DPY19L1: variants seen among roughly 807,000 people sequenced by gnomAD.
The protein encoded by DPY19L1 is dpy-19 like C-mannosyltransferase 1.
DPY19L1 carries 35 observed loss-of-function variants against 96.9 expected under a neutral mutation model. The ratio of observed to expected loss-of-function variants is 0.36; its 90% confidence interval spans 0.28 to 0.48. The LOEUF is 0.48. DPY19L1 is among the 20% of genes least tolerant of loss of function. The probability of loss-of-function intolerance (pLI) is 0.99; values close to 1 mark genes in which losing one functional copy is unlikely to be tolerated. For synonymous variants in DPY19L1, 205 were observed against 252.6 expected (o/e 0.81, Z 1.79); for missense variants, 521 against 777.9 (o/e 0.67, Z 3.93).
At chr7:34,983,483 C>T (rs982171339) in intron 7 of DPY19L1, among the ~76,000 whole-genome samples, 3 of 131,490 alleles carry the variant, frequency 2.3e-5, no homozygotes, top group African/African-American at 8.7e-5. Context: ...TAAGAAGGAA[C>T]GAAGGAAGAA....
chr7:34,987,440 T>C (rs1364275528), intron 7 of DPY19L1, among the ~76,000 whole-genome samples: 5 of 152,056 alleles, frequency 3.3e-5, no homozygotes, highest in South Asian at 4.1e-4. Flanking sequence ...AAATAATTTG[T>C]TCAGGCAAAA....
intron 13 of DPY19L1, 40 bp downstream of exon 13, chr7:34,954,658 C>G (rs1288777198): frequency 8.2e-7 from 1 of 1,224,624 alleles, no homozygotes; most frequent in Admixed American, 2.0e-5. Flanking sequence ...CTATTCGATT[C>G]TTTTCAAGTC....
chr7:34,956,649 G>A (rs1206540874), intron 11 of DPY19L1, among the ~76,000 whole-genome samples: 3 of 151,640 alleles, frequency 2.0e-5, no homozygotes, highest in African/African-American at 4.8e-5. Flanking sequence ...GACTACAGGC[G>A]CCCGCCACCA....
intron 13 of DPY19L1, 52 bp downstream of exon 13, chr7:34,954,646 G>A (rs1189900587): frequency 4.8e-6 from 5 of 1,041,506 alleles, no homozygotes; most frequent in South Asian, 1.4e-5. Flanking sequence ...TTTATTCTTA[G>A]CCTATTCGAT....
chr7:34,996,611 C>G (rs1481263513), intron 6 of DPY19L1, among the ~76,000 whole-genome samples: 2 of 151,986 alleles, frequency 1.3e-5, no homozygotes, highest in African/African-American at 2.4e-5. Context: ...TCCGACACCC[C>G]CTACCCAAAG....
chr7:34,996,903 A>C (rs1309293276), intron 6 of DPY19L1, among the ~76,000 whole-genome samples: 2 of 152,198 alleles, frequency 1.3e-5, no homozygotes, highest in African/African-American at 2.4e-5. Context: ...GCCTGGGAGC[A>C]AGACTGGTGG....
At chr7:35,019,737 T>C (rs1296573922) in intron 1 of DPY19L1, among the ~76,000 whole-genome samples, 3 of 152,254 alleles carry the variant, frequency 2.0e-5, no homozygotes, top group Non-Finnish European at 4.4e-5. Context: ...TGGTTACTTC[T>C]AGATAATTGA....
At chr7:34,981,296 G>C (rs1331537310) in intron 7 of DPY19L1, among the ~76,000 whole-genome samples, 1 of 152,126 alleles carries the variant, frequency 6.6e-6, no homozygotes, top group African/African-American at 2.4e-5. Flanking sequence ...TAAAATGGCA[G>C]GAGAAGGGAT....
chr7:34,932,455 C>G (rs770137635), intron 21 of DPY19L1, among the ~76,000 whole-genome samples: 1 of 152,110 alleles, frequency 6.6e-6, no homozygotes, highest in Non-Finnish European at 1.5e-5. Context: ...GCTGTACTGA[C>G]ACTGAAAAAC....
At chr7:35,018,947 T>C (rs1584259203) in intron 1 of DPY19L1, among the ~76,000 whole-genome samples, 1 of 151,972 alleles carries the variant, frequency 6.6e-6, no homozygotes, top group Non-Finnish European at 1.5e-5. Context: ...GGCTGAGGGG[T>C]ACAGGATTGG....
chr7:35,011,559 ATCCACTTGGC>A, intron 4 of DPY19L1, 109 bp from the exon 5 acceptor site: 1 of 1,045,052 alleles, frequency 9.6e-7, no homozygotes, highest in Non-Finnish European at 1.4e-6. Flanking sequence ...TTTCCATACC[ATCCACTTGGC>A]TCCCTTTAAA....
At chr7:35,016,307 A>G (rs938123861) in intron 3 of DPY19L1, among the ~76,000 whole-genome samples, 2 of 152,240 alleles carry the variant, frequency 1.3e-5, no homozygotes, top group African/African-American at 4.8e-5. Flanking sequence ...AAGACAGGAA[A>G]GTTTACAAAA....
chr7:35,002,138 A>AC (rs1245859676), intron 6 of DPY19L1, among the ~76,000 whole-genome samples: 6 of 151,282 alleles, frequency 4.0e-5, no homozygotes, highest in South Asian at 2.1e-4. Context: ...AAAAAAAAAA[A>AC]AAAACAAAAC....
rs1326728943 is a variant in DPY19L1, at chr7:34,931,562, T to A, written c.*11A>T. The stretch of plus-strand genomic sequence containing the variant: ...GATGTAGTTCTCCGTAGGCAGCAGG[T>A]CATGTAGCAGTCATTCTTTTACAAC... On this transcript the variant is annotated 3_prime_UTR_variant, in exon 22 of 22. Transcript: ENST00000638088. 1 of 1,527,924 alleles carries A rather than the reference T, an allele frequency of 6.5e-7. No homozygotes were observed. The highest frequency in any genetic ancestry group is 2.2e-5 in the Admixed American group (1 of 45,098). The allele number at this position is 1,527,924 out of a possible 1,614,324, so 94.6% of individuals were successfully genotyped here.
At position 34,940,284 on chromosome 7, in the gene DPY19L1, A is replaced by G. The variant is rs771903272; in HGVS notation, c.1733T>C (p.Val578Ala). 19 of 1,611,412 alleles carry G rather than the reference A, an allele frequency of 1.2e-5. No individual in the cohort carries two copies. The highest frequency in any genetic ancestry group is 3.3e-5 in the Admixed American group (2 of 59,866). The change falls in exon 19 of 22, where the codon GTG (valine) becomes GCG (alanine). Residue 578 changes from valine (V) to alanine (A), a missense_variant. Val to Ala is a moderately conservative substitution (Grantham distance 64). Transcript: ENST00000638088. ...TGACATTGCTGCTAATATAGCAAAC[A>G]CAATAGCACCAGGATGTACTTTGCA... ...LFCKVHPGAIVFAILAAMSIQ... is the reference protein window; with the variant it reads ...LFCKVHPGAIAFAILAAMSIQ...
intron 8 of DPY19L1, among the ~76,000 whole-genome samples, chr7:34,973,150 A>G (rs1784759178): frequency 1.3e-5 from 2 of 152,220 alleles, no homozygotes; most frequent in African/African-American, 4.8e-5. Flanking sequence ...CCTTTGCCCC[A>G]AAGGATTGTA....
At chr7:35,016,051 T>C (rs1260474949) in intron 3 of DPY19L1, among the ~76,000 whole-genome samples, 1 of 148,132 alleles carries the variant, frequency 6.8e-6, no homozygotes, top group African/African-American at 2.5e-5. Flanking sequence ...TATAAATTCA[T>C]GATTTCTTTT....
At chr7:35,026,496 C>G (rs1249985928) in intron 1 of DPY19L1, among the ~76,000 whole-genome samples, 2 of 151,328 alleles carry the variant, frequency 1.3e-5, no homozygotes. Flanking sequence ...TCTGGGCCCC[C>G]ACTCTCAGAG....
At chr7:34,941,134 T>C (rs748984104) in intron 18 of DPY19L1, among the ~76,000 whole-genome samples, 3 of 152,108 alleles carry the variant, frequency 2.0e-5, no homozygotes, top group Non-Finnish European at 2.9e-5. Flanking sequence ...CTCTCCTCCA[T>C]CCCTAGAGTG....
Sources: gnomAD v4.1 joint callset for allele counts (sites outside exome capture counted in the v4.1 genomes callset) on GRCh38, gnomAD v4.1.1 for gene constraint, MANE v1.5 for transcripts, NCBI Gene and HGNC (gene_info 2026-07-23, HGNC 2026-07-21) for gene names.